The following CD38 variants were observed in gnomAD, a reference collection of about 807,000 sequenced individuals.
The protein encoded by CD38 is CD38 molecule.
Under a neutral mutation model 36.3 loss-of-function variants are expected in CD38, and 31 were observed. The ratio of observed to expected loss-of-function variants is 0.85; its 90% CI spans 0.64 to 1.15. The LOEUF is 1.15. CD38 is among the 50% of genes most tolerant of loss of function. CD38 has a pLI of 0.00. For missense variants in CD38, 380 were observed against 371.9 expected (o/e 1.02, Z -0.18); for synonymous variants, 131 against 135.2 (o/e 0.97, Z 0.22).
rs190316313 is a variant in CD38, at chr4:15,785,485, G to A, written c.233+6838G>A. Among the ~76,000 whole-genome samples the A allele has an allele frequency of 2.4e-3, 358 of 151,986 alleles. 1 individual carries two copies. Among genetic ancestry groups the A allele is most frequent in the Non-Finnish European group, 4.5e-3 (307 of 68,000 alleles). ...ACACACACTTGCTCCTTGTTCTGGT[G>A]TCATAATAGCTCTGCAAGCAGTGGT... is the stretch of plus-strand genomic sequence containing the variant. On this transcript the variant is annotated intron_variant, in intron 1 of 7. Transcript: ENST00000226279.
intron 4 of CD38, among the ~76,000 whole-genome samples, chr4:15,836,453 C>T (rs1460804059): frequency 6.6e-6 from 1 of 152,200 alleles, no homozygotes; most frequent in Non-Finnish European, 1.5e-5. Context: ...ACATAAGAAA[C>T]ACATACATTC....
chr4:15,787,063 C>T (rs1039320175), intron 1 of CD38, among the ~76,000 whole-genome samples: 1 of 152,194 alleles, frequency 6.6e-6, no homozygotes, highest in Non-Finnish European at 1.5e-5. Flanking sequence ...ACCTGGAACT[C>T]GCGCTGGCCC....
rs1299345036 is a variant in CD38 at position 15,838,370 on chromosome 4, AC to A, written c.659+207del. 2.6e-5 allele frequency among the ~76,000 whole-genome samples: 4 copies of A among 152,138 alleles called. No individual in the cohort carries two copies. In the East Asian group the frequency reaches 7.7e-4, roughly 29 times the overall value. On this transcript the variant is annotated intron_variant, in intron 5 of 7. Coordinates refer to ENST00000226279, the MANE Select transcript of CD38 (RefSeq NM_001775.4). ...ATTTCTCCTTTGCCAAAAATTGTCT[AC>A]CAGGTTCTAATGGCCACTGCACTGT...
chr4:15,809,296 C>G (rs762488292), intron 1 of CD38, among the ~76,000 whole-genome samples: 3 of 152,200 alleles, frequency 2.0e-5, no homozygotes, highest in Non-Finnish European at 4.4e-5. Flanking sequence ...GGTTCTGGTT[C>G]TGCCTGAGTT....
chr4:15,788,996 A>ATT (rs1293740028), intron 1 of CD38, among the ~76,000 whole-genome samples: 9 of 152,234 alleles, frequency 5.9e-5, no homozygotes, highest in Non-Finnish European at 1.3e-4. Flanking sequence ...AGGTTCGAAT[A>ATT]AAACTTCATA....
Position 15,849,887 on chromosome 4 carries a change from C to T in CD38, c.*1285C>T, listed in dbSNP as rs1724349153. Reference sequence around the variant, plus strand: ...ACGATATATTTTCCCTTGAGTTCTGCTTTAGCTGCAGCTCTTATGTTTTGA... The same window carrying T: ...ACGATATATTTTCCCTTGAGTTCTGTTTTAGCTGCAGCTCTTATGTTTTGA... On this transcript the variant is annotated 3_prime_UTR_variant, in exon 8 of 8. Coordinates refer to ENST00000226279, the MANE Select transcript of CD38 (RefSeq NM_001775.4). 1 of 152,134 alleles carries T rather than the reference C, an allele frequency of 6.6e-6. No homozygotes were observed. The highest frequency in any genetic ancestry group is 2.4e-5 in the African/African-American group (1 of 41,432). The allele number at this position is 152,134 out of a possible 1,614,324, so 9.4% of individuals were successfully genotyped here.
intron 1 of CD38, among the ~76,000 whole-genome samples, chr4:15,815,531 A>C (rs568146122): frequency 1.3e-5 from 2 of 152,132 alleles, no homozygotes; most frequent in African/African-American, 4.8e-5. Flanking sequence ...AGCAATTTTG[A>C]ATGGGAGTTC....
chr4:15,837,954 T>C, intron 4 of CD38, 138 bp from the exon 5 acceptor site: 1 of 666,190 alleles, frequency 1.5e-6, no homozygotes, highest in Non-Finnish European at 2.6e-6. Flanking sequence ...AAAAATTGTG[T>C]AGACCTGACA....
intron 1 of CD38, among the ~76,000 whole-genome samples, chr4:15,794,862 G>A (rs1723075664): frequency 6.6e-6 from 1 of 152,160 alleles, no homozygotes; most frequent in South Asian, 2.1e-4. Context: ...GCACGAACAT[G>A]TTTATAAATA....
chr4:15,801,096 G>C (rs148965542), intron 1 of CD38, among the ~76,000 whole-genome samples: 1 of 151,904 alleles, frequency 6.6e-6, no homozygotes, highest in Non-Finnish European at 1.5e-5. Flanking sequence ...TGAAAAAGGA[G>C]ATGTTACAAT....
intron 2 of CD38, 43 bp downstream of exon 2, chr4:15,816,683 G>C: frequency 6.2e-7 from 1 of 1,607,444 alleles, no homozygotes. Flanking sequence ...GGGGATAAAA[G>C]CCAATGGTAA....
intron 4 of CD38, among the ~76,000 whole-genome samples, chr4:15,836,201 G>C (rs969357718): frequency 6.6e-6 from 1 of 152,112 alleles, no homozygotes; most frequent in Non-Finnish European, 1.5e-5. Flanking sequence ...GGATACTTGG[G>C]AAATCCAGGA....
At chr4:15,779,382 T>G (rs1722636490) in intron 1 of CD38, among the ~76,000 whole-genome samples, 1 of 152,204 alleles carries the variant, frequency 6.6e-6, no homozygotes, top group South Asian at 2.1e-4. Context: ...TCCAGTTTTC[T>G]CATGCTCCTT....
intron 3 of CD38, among the ~76,000 whole-genome samples, chr4:15,830,234 C>T (rs1723932231): frequency 6.6e-6 from 1 of 152,190 alleles, no homozygotes; most frequent in Admixed American, 6.5e-5. Context: ...TCCCCTTTCT[C>T]CACATCCTCA....
intron 7 of CD38, among the ~76,000 whole-genome samples, chr4:15,841,269 CAG>C (rs1724199881): frequency 1.3e-5 from 2 of 152,102 alleles, no homozygotes; most frequent in Admixed American, 1.3e-4. Flanking sequence ...AAGATTGATG[CAG>C]AGAGGAAAAG....
chr4:15,840,224 C>G lies in CD38; in HGVS notation c.752+106C>G, dbSNP rs79112593. 3.6e-3 allele frequency: 3,124 copies of G among 856,736 alleles called. 71 individuals are homozygous for G. In the African/African-American group the frequency reaches 0.046, roughly 13 times the overall value. 53.1% of individuals were successfully genotyped at this position (856,736 alleles called of 1,614,324 possible). ...GAACAAATTGACTCAGGAAATGAAACTACATGAATGTGCATGAATCCCAAC... is the reference window on the plus strand; with the variant it reads ...GAACAAATTGACTCAGGAAATGAAAGTACATGAATGTGCATGAATCCCAAC... On this transcript the variant is annotated intron_variant, in intron 6 of 7. Transcript: ENST00000226279.
chr4:15,786,678 G>T (rs1481843388), intron 1 of CD38, among the ~76,000 whole-genome samples: 1 of 152,228 alleles, frequency 6.6e-6, no homozygotes, highest in Admixed American at 6.5e-5. Flanking sequence ...TCACCTAGCC[G>T]ATTGTGCACC....
At chr4:15,820,118 A>G (rs183024103) in intron 2 of CD38, among the ~76,000 whole-genome samples, 4 of 152,350 alleles carry the variant, frequency 2.6e-5, no homozygotes, top group Admixed American at 2.6e-4. Flanking sequence ...AAGGAGAAAT[A>G]AAATCTTTTT....
intron 2 of CD38, among the ~76,000 whole-genome samples, chr4:15,819,583 C>T (rs190168224): frequency 3.9e-5 from 6 of 152,148 alleles, no homozygotes; most frequent in Admixed American, 6.5e-5. Context: ...AAACACAACA[C>T]GAGAACTTCA....
Sources: gnomAD v4.1 joint callset for allele counts (sites outside exome capture counted in the v4.1 genomes callset) on GRCh38, gnomAD v4.1.1 for gene constraint, MANE v1.5 for transcripts, NCBI Gene and HGNC (gene_info 2026-07-23, HGNC 2026-07-21) for gene names.